The following STRN variants were observed in gnomAD, a reference collection of about 807,000 sequenced individuals.
The protein encoded by STRN is striatin.
A neutral mutation model predicts 96.3 loss-of-function variants in STRN; 53 were observed. That is an observed-to-expected ratio of 0.55 (90% CI 0.44 to 0.69). STRN has a LOEUF of 0.69. Ranked by LOEUF, STRN falls within the 30% of genes least tolerant of loss-of-function variation. The pLI, the probability that STRN is intolerant of heterozygous loss-of-function variation, is 0.00. For synonymous variants in STRN, 428 were observed against 355.9 expected, an observed-to-expected ratio of 1.20 and a Z score of -2.28; for missense variants, 987 against 963.9, an observed-to-expected ratio of 1.02 and a Z score of -0.32.
Position 36,927,526 on chromosome 2 carries a change from G to T in STRN, c.235-2318C>A, listed in dbSNP as rs1389967636. 2.0e-4 allele frequency among the ~76,000 whole-genome samples: 17 copies of T among 83,070 alleles called. No homozygotes were observed. In the East Asian group the frequency reaches 2.7e-3, roughly 13 times the overall value. The allele number at this position is 83,070 out of a possible 152,430, so 54.5% of individuals were successfully genotyped here. A position where few individuals can be genotyped will look rare whatever the true frequency, so the allele number is the denominator to read the frequency against. ...CCTATATCAAAAAAACAAAAAAAAG[G>T]GGGGGGGGGGTGGTAATCAGGGCCA... On this transcript the variant is annotated intron_variant, in intron 1 of 17. Coordinates refer to ENST00000263918, the MANE Select transcript of STRN (RefSeq NM_003162.4).
chr2:36,857,967 C>T lies in STRN; in HGVS notation c.1726G>A (p.Ala576Thr). The T allele has an allele frequency of 6.2e-7, 1 of 1,613,344 alleles. No homozygotes were observed. Among genetic ancestry groups the T allele is most frequent in the Non-Finnish European group, 8.5e-7 (1 of 1,179,590 alleles). Residue 576 changes from alanine (A) to threonine (T), a missense_variant, in exon 14 of 18, where the codon GCT (alanine) becomes ACT (threonine). By Grantham distance (58) the Ala-to-Thr change is moderately conservative. Coordinates refer to ENST00000263918, the MANE Select transcript of STRN (RefSeq NM_003162.4). Reference sequence around the variant, plus strand: ...AAACGCTGATGTGCTGCACTATAAGCCAAACCCCAGACTGCATCCGTGTGG... The same window carrying T: ...AAACGCTGATGTGCTGCACTATAAGTCAAACCCCAGACTGCATCCGTGTGG... ...LGHTDAVWGL[A>T]YSAAHQRLLS... is the part of the protein sequence containing the mutation.
At chr2:36,964,116 C>T (rs1665094789) in intron 1 of STRN, among the ~76,000 whole-genome samples, 1 of 140,466 alleles carries the variant, frequency 7.1e-6, no homozygotes, top group Non-Finnish European at 1.5e-5. Flanking sequence ...TGCATAAAAA[C>T]TGAAGATCAA....
intron 12 of STRN, among the ~76,000 whole-genome samples, chr2:36,863,540 T>C (rs1188559955): frequency 1.3e-5 from 2 of 152,238 alleles, no homozygotes; most frequent in African/African-American, 2.4e-5. Flanking sequence ...GCTTCTGTTT[T>C]TGTACCAGTA....
chr2:36,958,016 T>G (rs1397316605), intron 1 of STRN, among the ~76,000 whole-genome samples: 1 of 150,026 alleles, frequency 6.7e-6, no homozygotes, highest in Non-Finnish European at 1.5e-5. Flanking sequence ...GCCTCCTGGG[T>G]TCAAGTGATT....
intron 7 of STRN, among the ~76,000 whole-genome samples, chr2:36,893,305 C>T (rs1669449109): frequency 6.6e-6 from 1 of 151,910 alleles, no homozygotes; most frequent in African/African-American, 2.4e-5. Context: ...AAAAAAAACC[C>T]CTAAGCGTAC....
chr2:36,899,503 G>T lies in STRN; in HGVS notation c.795+20C>A, dbSNP rs941209265. On this transcript the variant is annotated intron_variant, in intron 6 of 17. Coordinates refer to ENST00000263918, the MANE Select transcript of STRN (RefSeq NM_003162.4). ...TATAGTCCCTAAAAATATTTATATT[G>T]TATGAGTTATCTAACTCACTGTTGA... The T allele has an allele frequency of 1.3e-6, 2 of 1,599,340 alleles. No individual in the cohort carries two copies. The highest frequency in any genetic ancestry group is 1.7e-6 in the Non-Finnish European group (2 of 1,174,384).
chr2:36,940,790 C>A (rs1161535669), intron 1 of STRN, among the ~76,000 whole-genome samples: 2 of 144,724 alleles, frequency 1.4e-5, no homozygotes, highest in East Asian at 4.0e-4. Context: ...TGGGCCAAGA[C>A]TGCACCACTG....
chr2:36,899,915 C>T (rs1381297863), intron 5 of STRN, among the ~76,000 whole-genome samples: 1 of 152,132 alleles, frequency 6.6e-6, no homozygotes, highest in African/African-American at 2.4e-5. Flanking sequence ...GAGACAAAGT[C>T]TCCGGGCTCT....
At position 36,849,780 on chromosome 2, in the gene STRN, C is replaced by T. The variant is rs1358803284; in HGVS notation, c.2107G>A (p.Val703Ile). ...CTTGTAACAGCTTCTAGGTGGGCTA[C>T]CATCGAGTGGATCAGTTTGCCTTTG... ...NNTGKLIHSM[V>I]AHLEAVTSLA... Residue 703 changes from valine (V) to isoleucine (I), a missense_variant, in exon 17 of 18, where the codon GTA (valine) becomes ATA (isoleucine). Coordinates refer to ENST00000263918, the MANE Select transcript of STRN (RefSeq NM_003162.4). The T allele has an allele frequency of 1.2e-6, 2 of 1,614,042 alleles. No individual in the cohort carries two copies. Among genetic ancestry groups the T allele is most frequent in the East Asian group, 2.2e-5 (1 of 44,870 alleles).
chr2:36,884,486 C>T (rs895921720), intron 8 of STRN, among the ~76,000 whole-genome samples: 1 of 152,104 alleles, frequency 6.6e-6, no homozygotes, highest in Non-Finnish European at 1.5e-5. Flanking sequence ...CTATGGTACC[C>T]GAGGTGAAGT....
At chr2:36,946,820 T>TA (rs1670997396) in intron 1 of STRN, among the ~76,000 whole-genome samples, 1 of 152,208 alleles carries the variant, frequency 6.6e-6, no homozygotes, top group South Asian at 2.1e-4. Context: ...TTCTTTTTTG[T>TA]AAAAAAGTTG....
intron 1 of STRN, among the ~76,000 whole-genome samples, chr2:36,951,712 C>T (rs1664756012): frequency 6.6e-6 from 1 of 152,152 alleles, no homozygotes; most frequent in Non-Finnish European, 1.5e-5. Context: ...CTCTACTGAC[C>T]TTAGAGAAAT....
Position 36,849,110 on chromosome 2 carries a change from T to C in STRN, c.*346A>G, listed in dbSNP as rs908862387. ...AGTCCCAGCTATCAAGCTTTTAAAT[T>C]ATCCATTGTAGCATGCCCTACTTAC... On this transcript the variant is annotated 3_prime_UTR_variant, in exon 18 of 18. Coordinates refer to ENST00000263918, the MANE Select transcript of STRN (RefSeq NM_003162.4). The C allele has an allele frequency of 2.5e-5, 5 of 197,898 alleles. No individual in the cohort carries two copies. The highest frequency in any genetic ancestry group is 2.4e-4 in the East Asian group (2 of 8,476). The allele number at this position is 197,898 out of a possible 1,614,324, so 12.3% of individuals were successfully genotyped here. A position where few individuals can be genotyped will look rare whatever the true frequency, so the allele number is the denominator to read the frequency against.
chr2:36,947,101 T>A (rs1664596271), intron 1 of STRN, among the ~76,000 whole-genome samples: 1 of 152,122 alleles, frequency 6.6e-6, no homozygotes, highest in Admixed American at 6.5e-5. Flanking sequence ...TTTTACCATG[T>A]TAGCCAGGAT....
chr2:36,869,494 G>GT, intron 11 of STRN, 60 bp downstream of exon 11: 1 of 1,321,498 alleles, frequency 7.6e-7, no homozygotes, highest in Non-Finnish European at 1.0e-6. Context: ...AAAATATGTA[G>GT]TTTTCTGCTG....
chr2:36,838,217 A>G lies in STRN; in HGVS notation c.*11239T>C, dbSNP rs116576389. Among the ~76,000 whole-genome samples the G allele has an allele frequency of 3.3e-3, 498 of 152,338 alleles. 1 individual carries two copies. The highest frequency in any genetic ancestry group is 5.5e-3 in the Non-Finnish European group (372 of 68,004). The stretch of plus-strand genomic sequence containing the variant: ...GTGCAAGGACCACGGAGCAACCTCT[A>G]AAGGATCAGATTTGACAGTCAGCTA... On this transcript the variant is annotated 3_prime_UTR_variant, in exon 18 of 18. Transcript: ENST00000263918.
chr2:36,894,747 G>A (rs547523025), intron 6 of STRN, among the ~76,000 whole-genome samples: 6 of 152,298 alleles, frequency 3.9e-5, no homozygotes, highest in African/African-American at 1.4e-4. Context: ...TTATCGCTGG[G>A]CTATTGTGAG....
intron 6 of STRN, among the ~76,000 whole-genome samples, chr2:36,896,539 T>C (rs1572656634): frequency 6.6e-6 from 1 of 152,278 alleles, no homozygotes; most frequent in East Asian, 1.9e-4. Context: ...AGCTTATAAA[T>C]CAATTTAGGA....
chr2:36,954,384 T>C lies in STRN; in HGVS notation c.234+11846A>G, dbSNP rs972471755. ...AAAATTAATTAGGTGTGGTGATGGGTGCCTGTAATCCCAACTACTTGGGAG... is the reference window on the plus strand; with the variant it reads ...AAAATTAATTAGGTGTGGTGATGGGCGCCTGTAATCCCAACTACTTGGGAG... On this transcript the variant is annotated intron_variant, in intron 1 of 17. Transcript: ENST00000263918. Among the ~76,000 whole-genome samples the C allele has an allele frequency of 6.6e-5, 10 of 151,584 alleles. No individual in the cohort carries two copies. The East Asian group carries it at 1.8e-3, about 27-fold the overall frequency.
Sources: allele counts gnomAD v4.1 joint callset (sites outside exome capture counted in the v4.1 genomes callset), GRCh38; gene constraint gnomAD v4.1.1; transcripts MANE v1.5; gene names NCBI Gene and HGNC (gene_info 2026-07-23, HGNC 2026-07-21).